PDE1C: variants seen among roughly 807,000 people sequenced by gnomAD.
PDE1C encodes the protein phosphodiesterase 1C.
Under a neutral mutation model 93.1 loss-of-function variants are expected in PDE1C, and 62 were observed. The observed-to-expected ratio is 0.67, with a 90% confidence interval of 0.54 to 0.82. The LOEUF is 0.82. Among genes scored for constraint, PDE1C ranks in the 40% least tolerant of loss-of-function variants. The pLI, the probability that PDE1C is intolerant of heterozygous loss-of-function variation, is 0.00. For synonymous variants in PDE1C, 325 were observed against 310.1 expected (o/e 1.05, Z -0.50); for missense variants, 742 against 884.6 (o/e 0.84, Z 2.04).
At chr7:31,653,101 T>C in the PDE1C span, 2 of 644,116 alleles carry the variant, frequency 3.1e-6, no homozygotes, top group African/African-American at 1.8e-5. Context: ...ACTTACAGTG[T>C]AGTGGGGGAG....
intron 1 of PDE1C, among the ~76,000 whole-genome samples, chr7:32,306,707 C>A (rs191653242): frequency 1.3e-5 from 2 of 152,312 alleles, no homozygotes; most frequent in African/African-American, 4.8e-5. Flanking sequence ...AAAGTAAAAA[C>A]CCCTTACCTT....
chr7:31,830,374 C>A (rs1173006198), intron 11 of PDE1C, among the ~76,000 whole-genome samples: 4 of 152,118 alleles, frequency 2.6e-5, no homozygotes, highest in Non-Finnish European at 5.9e-5. Flanking sequence ...TCTATTTACA[C>A]AAAGGATTTT....
At chr7:31,741,022 A>G in the PDE1C span, among the ~76,000 whole-genome samples, 1 of 151,082 alleles carries the variant, frequency 6.6e-6, no homozygotes, top group African/African-American at 2.4e-5. Flanking sequence ...TGATCATGCC[A>G]CTGCACTCCA....
the PDE1C span, among the ~76,000 whole-genome samples, chr7:31,678,893 A>T: frequency 6.6e-6 from 1 of 152,152 alleles, no homozygotes; most frequent in Non-Finnish European, 1.5e-5. Flanking sequence ...AGGTCAAGTG[A>T]GCCTTGATTC....
intron 1 of PDE1C, among the ~76,000 whole-genome samples, chr7:32,352,153 TG>T (rs1783962769): frequency 2.5e-4 from 1 of 3,992 alleles, no homozygotes; most frequent in East Asian, 2.8e-3. Context: ...GGTAGCTTGA[TG>T]GGGATGGCAT....
At chr7:32,268,291 T>A (rs1179009472) in intron 1 of PDE1C, among the ~76,000 whole-genome samples, 1 of 152,230 alleles carries the variant, frequency 6.6e-6, no homozygotes, top group South Asian at 2.1e-4. Flanking sequence ...GAGTCAGACC[T>A]GGGTTTAACT....
intron 16 of PDE1C, among the ~76,000 whole-genome samples, chr7:31,802,641 C>A (rs547710696): frequency 6.6e-6 from 1 of 151,580 alleles, no homozygotes; most frequent in Non-Finnish European, 1.5e-5. Context: ...CTGATGAAAA[C>A]ATCTTAATCA....
At chr7:32,046,863 G>A (rs916117591) in intron 2 of PDE1C, among the ~76,000 whole-genome samples, 1 of 152,054 alleles carries the variant, frequency 6.6e-6, no homozygotes, top group African/African-American at 2.4e-5. Context: ...TTCATTACCT[G>A]GTATGGCTTT....
Position 32,265,325 on chromosome 7 carries a change from A to G in PDE1C, c.85+33326T>C, listed in dbSNP as rs145799405. 2.2e-4 allele frequency among the ~76,000 whole-genome samples: 33 copies of G among 152,322 alleles called. No homozygotes were observed. In the East Asian group the frequency reaches 5.4e-3, roughly 25 times the overall value. On this transcript the variant is annotated intron_variant, in intron 1 of 18. Coordinates refer to the PDE1C transcript ENST00000396193. ...TGGCCACCTGATTTAAACCTGGCCA[A>G]TGCATGCATCCAACTGTCCCCCAGC... is the stretch of plus-strand genomic sequence containing the variant.
intron 2 of PDE1C, among the ~76,000 whole-genome samples, chr7:31,887,187 G>A (rs966770783): frequency 2.6e-5 from 4 of 152,142 alleles, no homozygotes; most frequent in Non-Finnish European, 4.4e-5. Context: ...AGAGTGATGC[G>A]TGAGTTTAGT....
At chr7:32,109,038 T>G (rs1238713667) in intron 3 of PDE1C, among the ~76,000 whole-genome samples, 1 of 152,058 alleles carries the variant, frequency 6.6e-6, no homozygotes, top group African/African-American at 2.4e-5. Flanking sequence ...CCACAAATAC[T>G]ATAGGAGCAA....
chr7:32,248,165 C>CCT (rs1476115863), intron 1 of PDE1C, among the ~76,000 whole-genome samples: 1 of 151,920 alleles, frequency 6.6e-6, no homozygotes, highest in Non-Finnish European at 1.5e-5. Flanking sequence ...GTTTGAGGTC[C>CCT]CTGTGGGGCA....
At chr7:32,063,099 T>G (rs1244766215) in intron 1 of PDE1C, among the ~76,000 whole-genome samples, 3 of 152,214 alleles carry the variant, frequency 2.0e-5, no homozygotes, top group Admixed American at 6.5e-5. Flanking sequence ...TTCAGTATAC[T>G]TCCTCCAGAA....
upstream of PDE1C, chr7:32,071,253 C>T (rs373457857): frequency 4.0e-4 from 397 of 985,464 alleles, 6 homozygotes; most frequent in Middle Eastern, 8.4e-3. Flanking sequence ...AAGGGAAATC[C>T]TTATCCTCCC....
intron 2 of PDE1C, among the ~76,000 whole-genome samples, chr7:31,978,597 G>A (rs1225384633): frequency 1.3e-5 from 2 of 152,156 alleles, no homozygotes; most frequent in East Asian, 3.9e-4. Context: ...AGGTTTTCAG[G>A]TGGAGTGGAA....
chr7:31,632,893 T>C, the PDE1C span, among the ~76,000 whole-genome samples: 5 of 151,802 alleles, frequency 3.3e-5, no homozygotes, highest in African/African-American at 7.3e-5. Flanking sequence ...TTCATTCATT[T>C]ATTTATTTAT....
At chr7:32,316,898 A>G (rs1032669160) in intron 1 of PDE1C, among the ~76,000 whole-genome samples, 1 of 152,232 alleles carries the variant, frequency 6.6e-6, no homozygotes, top group African/African-American at 2.4e-5. Flanking sequence ...TCTCAAGCCA[A>G]CAAAGAGCAT....
intron 1 of PDE1C, among the ~76,000 whole-genome samples, chr7:32,362,710 C>T (rs1028425355): frequency 1.3e-5 from 2 of 152,194 alleles, no homozygotes; most frequent in Non-Finnish European, 2.9e-5. Flanking sequence ...TTCTCAAAGG[C>T]AACAAGGAGC....
intron 2 of PDE1C, among the ~76,000 whole-genome samples, chr7:32,038,331 G>A (rs150330110): frequency 4.7e-4 from 71 of 152,104 alleles, no homozygotes; most frequent in Non-Finnish European, 6.8e-4. Flanking sequence ...TTAATCTCCC[G>A]CACAAGCAGA....
Sources: allele counts gnomAD v4.1 joint callset (sites outside exome capture counted in the v4.1 genomes callset), GRCh38; gene constraint gnomAD v4.1.1; transcripts MANE v1.5; gene names NCBI Gene and HGNC (gene_info 2026-07-23, HGNC 2026-07-21).